The following SH3GL3 variants were observed in gnomAD, a reference collection of about 807,000 sequenced individuals.
The protein encoded by SH3GL3 is endophilin-A3.
A neutral mutation model predicts 47.7 loss-of-function variants in SH3GL3; 33 were observed. The ratio of observed to expected loss-of-function variants is 0.69; its 90% confidence interval spans 0.52 to 0.92. The LOEUF is 0.92. Ranked by LOEUF, SH3GL3 falls within the 40% of genes least tolerant of loss-of-function variation. The probability of loss-of-function intolerance (pLI) is 0.00; values close to 1 mark genes in which losing one functional copy is unlikely to be tolerated. For missense variants in SH3GL3, 363 were observed against 417.8 expected (o/e 0.87, Z 1.14); for synonymous variants, 155 against 148.8 (o/e 1.04, Z -0.30).
At position 83,486,128 on chromosome 15, in the gene SH3GL3, A is replaced by T. The variant is rs372027011; in HGVS notation, c.45+38550A>T. 3.5e-4 allele frequency among the ~76,000 whole-genome samples: 53 copies of T among 152,296 alleles called. 1 individual carries two copies. Among genetic ancestry groups the T allele is most frequent in the African/African-American group, 1.2e-3 (50 of 41,578 alleles). ...TCCTCCAATGCCCAGCCTATATTCA[A>T]ATTTCTCTAATATTCTCCAAATGTC... is the stretch of plus-strand genomic sequence containing the variant. On this transcript the variant is annotated intron_variant, in intron 1 of 8. Coordinates refer to ENST00000427482, the MANE Select transcript of SH3GL3 (RefSeq NM_003027.5).
intron 1 of SH3GL3, among the ~76,000 whole-genome samples, chr15:83,511,972 A>C (rs2042776043): frequency 6.6e-6 from 1 of 152,160 alleles, no homozygotes. Context: ...CCTTGGATGG[A>C]CAGTCACTCT....
intron 1 of SH3GL3, among the ~76,000 whole-genome samples, chr15:83,497,087 C>T (rs1040381218): frequency 2.6e-5 from 4 of 152,180 alleles, no homozygotes; most frequent in Non-Finnish European, 5.9e-5. Flanking sequence ...CTGCCAGGAA[C>T]TGCTGGAGAA....
rs112296117 is a variant in SH3GL3, at chr15:83,496,662, A to C, written c.45+49084A>C. Reference sequence around the variant, plus strand: ...CTCTTATATTGACTGAATGGGAGGCAGGGGAGTGGTAAGGGCAGGGGACCA... The same window carrying C: ...CTCTTATATTGACTGAATGGGAGGCCGGGGAGTGGTAAGGGCAGGGGACCA... On this transcript the variant is annotated intron_variant, in intron 1 of 8. Transcript: ENST00000427482. Among the ~76,000 whole-genome samples, 662 of 152,196 alleles carry C rather than the reference A, an allele frequency of 4.3e-3. 6 individuals carry two copies. The highest frequency in any genetic ancestry group is 0.015 in the African/African-American group (622 of 41,528).
chr15:83,579,245 C>G (rs2059767645), intron 6 of SH3GL3, among the ~76,000 whole-genome samples: 2 of 152,226 alleles, frequency 1.3e-5, no homozygotes, highest in African/African-American at 4.8e-5. Flanking sequence ...CGCAGGGGCT[C>G]TGGTGCTGGC....
chr15:83,537,578 T>TG (rs796522552), intron 1 of SH3GL3, among the ~76,000 whole-genome samples: 1 of 151,964 alleles, frequency 6.6e-6, no homozygotes, highest in Non-Finnish European at 1.5e-5. Context: ...CGTGTGGGGA[T>TG]GGGGGTGGAG....
At chr15:83,561,020 A>G (rs1371887762) in intron 2 of SH3GL3, among the ~76,000 whole-genome samples, 1 of 152,194 alleles carries the variant, frequency 6.6e-6, no homozygotes, top group Non-Finnish European at 1.5e-5. Context: ...ATACATAGAC[A>G]GTTGATAAAA....
chr15:83,615,047 A>G (rs1368323161), intron 8 of SH3GL3, among the ~76,000 whole-genome samples: 1 of 152,160 alleles, frequency 6.6e-6, no homozygotes, highest in Non-Finnish European at 1.5e-5. Context: ...AAAGTCTTAT[A>G]ACAGAAAAAG....
At chr15:83,610,637 C>T (rs944945631) in intron 8 of SH3GL3, among the ~76,000 whole-genome samples, 3 of 152,130 alleles carry the variant, frequency 2.0e-5, no homozygotes, top group South Asian at 2.1e-4. Flanking sequence ...GGATCAAGAA[C>T]GTGGACTCTC....
At chr15:83,514,984 G>A (rs1407554014) in intron 1 of SH3GL3, among the ~76,000 whole-genome samples, 1 of 152,066 alleles carries the variant, frequency 6.6e-6, no homozygotes, top group Non-Finnish European at 1.5e-5. Flanking sequence ...TCCAAGGAAT[G>A]CACATGACCT....
intron 1 of SH3GL3, among the ~76,000 whole-genome samples, chr15:83,472,815 A>T (rs535539181): frequency 1.3e-5 from 2 of 152,198 alleles, no homozygotes; most frequent in Non-Finnish European, 2.9e-5. Context: ...GATCTTAATT[A>T]CATTGTCTGG....
intron 1 of SH3GL3, among the ~76,000 whole-genome samples, chr15:83,467,891 A>G (rs2040641262): frequency 6.6e-6 from 1 of 152,118 alleles, no homozygotes; most frequent in Non-Finnish European, 1.5e-5. Context: ...GCAGTGGCAC[A>G]ATCTTGGCTC....
chr15:83,528,412 A>G (rs994544631), intron 1 of SH3GL3, among the ~76,000 whole-genome samples: 51 of 152,106 alleles, frequency 3.4e-4, no homozygotes, highest in African/African-American at 1.2e-3. Flanking sequence ...CTTTCTCTTC[A>G]TTTTCTGGAT....
At position 83,492,155 on chromosome 15, in the gene SH3GL3, C is replaced by T. The variant is rs186609189; in HGVS notation, c.45+44577C>T. Reference sequence around the variant, plus strand: ...AAAATTAGCTGGGTGTGGTGGCATGCGCCTGTAATCCCAGCTACTCGGGAG... The same window carrying T: ...AAAATTAGCTGGGTGTGGTGGCATGTGCCTGTAATCCCAGCTACTCGGGAG... On this transcript the variant is annotated intron_variant, in intron 1 of 8. Transcript: ENST00000427482. Among the ~76,000 whole-genome samples, 289 of 151,778 alleles carry T rather than the reference C, an allele frequency of 1.9e-3. 3 individuals are homozygous for T. Among genetic ancestry groups the T allele is most frequent in the African/African-American group, 6.2e-3 (257 of 41,384 alleles).
chr15:83,499,600 A>T (rs1307454379), intron 1 of SH3GL3, among the ~76,000 whole-genome samples: 2 of 152,256 alleles, frequency 1.3e-5, no homozygotes, highest in East Asian at 3.8e-4. Context: ...AACAAATGTC[A>T]TTCACTAAAT....
At chr15:83,558,936 A>G (rs2045104960) in intron 1 of SH3GL3, among the ~76,000 whole-genome samples, 1 of 152,074 alleles carries the variant, frequency 6.6e-6, no homozygotes, top group Non-Finnish European at 1.5e-5. Context: ...TTTTAATTGA[A>G]TGTTTGTGTG....
chr15:83,620,684 A>G (rs1191332973), downstream of SH3GL3, among the ~76,000 whole-genome samples: 1 of 152,220 alleles, frequency 6.6e-6, no homozygotes, highest in African/African-American at 2.4e-5. Context: ...GAGCAGATTT[A>G]GCATCATTCT....
At chr15:83,615,351 G>C (rs2060785354) in intron 8 of SH3GL3, among the ~76,000 whole-genome samples, 1 of 152,140 alleles carries the variant, frequency 6.6e-6, no homozygotes, top group African/African-American at 2.4e-5. Flanking sequence ...GTCTCACTCT[G>C]TCACCCAGGC....
intron 1 of SH3GL3, among the ~76,000 whole-genome samples, chr15:83,515,080 C>T (rs1411315069): frequency 1.3e-5 from 2 of 152,008 alleles, no homozygotes; most frequent in Admixed American, 1.3e-4. Context: ...TGATTTTAGC[C>T]CTGGAAGACT....
intron 1 of SH3GL3, among the ~76,000 whole-genome samples, chr15:83,527,944 AT>A (rs2043498791): frequency 6.6e-6 from 1 of 151,960 alleles, no homozygotes; most frequent in Non-Finnish European, 1.5e-5. Flanking sequence ...TCACTTCCAG[AT>A]TTAGGGCTCC....
Sources: allele counts gnomAD v4.1 joint callset (sites outside exome capture counted in the v4.1 genomes callset), GRCh38; gene constraint gnomAD v4.1.1; transcripts MANE v1.5; gene names NCBI Gene and HGNC (gene_info 2026-07-23, HGNC 2026-07-21).